The following TSPAN18 variants were observed in gnomAD, a reference collection of about 807,000 sequenced individuals.
The protein encoded by TSPAN18 is tetraspanin-18.
A neutral mutation model predicts 27.3 loss-of-function variants in TSPAN18; 14 were observed. The observed-to-expected ratio is 0.51, with a 90% CI of 0.34 to 0.80. The LOEUF is 0.80. TSPAN18 is among the 30% of genes least tolerant of loss of function. TSPAN18 has a pLI of 0.01. For missense variants in TSPAN18, 268 were observed against 323.9 expected (o/e 0.83, Z 1.32); for synonymous variants, 143 against 136.5 (o/e 1.05, Z -0.33).
At chr11:44,819,495 C>T (rs1017212257) in intron 2 of TSPAN18, among the ~76,000 whole-genome samples, 1 of 152,128 alleles carries the variant, frequency 6.6e-6, no homozygotes, top group East Asian at 1.9e-4. Flanking sequence ...AAAATATTTT[C>T]ACACATTTGC....
chr11:44,845,106 C>T (rs1377603519), intron 2 of TSPAN18, among the ~76,000 whole-genome samples: 1 of 152,190 alleles, frequency 6.6e-6, no homozygotes, highest in African/African-American at 2.4e-5. Context: ...AGGCAGGCAA[C>T]AGTTATTAGA....
At chr11:44,821,895 C>T (rs539544552) in intron 2 of TSPAN18, among the ~76,000 whole-genome samples, 7 of 152,142 alleles carry the variant, frequency 4.6e-5, no homozygotes, top group Non-Finnish European at 1.0e-4. Flanking sequence ...GCCATTTGTA[C>T]AAGAGCTGAG....
chr11:44,902,716 G>T (rs1452846394), intron 3 of TSPAN18, among the ~76,000 whole-genome samples: 2 of 152,168 alleles, frequency 1.3e-5, no homozygotes, highest in Non-Finnish European at 2.9e-5. Flanking sequence ...TCCCAGGCAG[G>T]CACCAAAGCA....
At chr11:44,812,601 G>T (rs941793343) in intron 2 of TSPAN18, among the ~76,000 whole-genome samples, 6 of 152,118 alleles carry the variant, frequency 3.9e-5, no homozygotes, top group Non-Finnish European at 7.4e-5. Context: ...TCCCTAGTCT[G>T]GTTCCTAGAG....
rs927021815 is a variant in TSPAN18 at position 44,810,328 on chromosome 11, T to G, written c.-153+45816T>G. 5.3e-5 allele frequency among the ~76,000 whole-genome samples: 8 copies of G among 152,280 alleles called. 1 individual carries two copies. The Middle Eastern group carries it at 0.01, about 194-fold the overall frequency. Reference sequence around the variant, plus strand: ...AGCCCTTCGCAACCACCAATTCCTCTTCCTTCTCTATGGATTTACCTCTTC... The same window carrying G: ...AGCCCTTCGCAACCACCAATTCCTCGTCCTTCTCTATGGATTTACCTCTTC... On this transcript the variant is annotated intron_variant, in intron 2 of 9. Coordinates refer to ENST00000520358, the MANE Select transcript of TSPAN18 (RefSeq NM_130783.5).
intron 2 of TSPAN18, among the ~76,000 whole-genome samples, chr11:44,852,290 T>A (rs1174669112): frequency 6.6e-6 from 1 of 152,204 alleles, no homozygotes; most frequent in Non-Finnish European, 1.5e-5. Flanking sequence ...AATGGCAATG[T>A]TACATGTGCA....
chr11:44,856,973 C>CT, intron 2 of TSPAN18, among the ~76,000 whole-genome samples: 1 of 152,146 alleles, frequency 6.6e-6, no homozygotes, highest in Non-Finnish European at 1.5e-5. Flanking sequence ...TGGTTTACTG[C>CT]TGCGTAAATG....
intron 3 of TSPAN18, among the ~76,000 whole-genome samples, chr11:44,866,395 G>A (rs556084406): frequency 1.3e-5 from 2 of 152,306 alleles, no homozygotes; most frequent in Admixed American, 6.5e-5. Flanking sequence ...TATGTGATCC[G>A]AAACATTTGG....
At chr11:44,926,357 G>A in intron 8 of TSPAN18, 3 of 291,826 alleles carry the variant, frequency 1.0e-5, no homozygotes, top group Non-Finnish European at 1.9e-5. Context: ...CAGAGCAGCA[G>A]GAAGTCCAAA....
intron 2 of TSPAN18, among the ~76,000 whole-genome samples, chr11:44,826,031 G>A (rs531033239): frequency 4.6e-5 from 7 of 152,282 alleles, no homozygotes; most frequent in African/African-American, 1.7e-4. Flanking sequence ...ACCTTACAAG[G>A]CTGGAGGAAA....
At chr11:44,861,395 G>A (rs1474982835) in intron 3 of TSPAN18, among the ~76,000 whole-genome samples, 1 of 148,472 alleles carries the variant, frequency 6.7e-6, no homozygotes, top group African/African-American at 2.5e-5. Context: ...GCGGGGGTTG[G>A]TGGGGTGCGG....
rs12807149 is a variant in TSPAN18, at chr11:44,873,213, T to C, written c.-11+12744T>C. Among the ~76,000 whole-genome samples the C allele has an allele frequency of 7.0e-3, 1,062 of 152,346 alleles. 10 individuals carry two copies. Among genetic ancestry groups the C allele is most frequent in the Non-Finnish European group, 0.011 (773 of 68,020 alleles). On this transcript the variant is annotated intron_variant, in intron 3 of 9. Transcript: ENST00000520358. ...GGGGCCCTGCATAGCCTAGAGACCC[T>C]GGGGTGGCCCAGCACTTCGTGGCAA...
intron 2 of TSPAN18, among the ~76,000 whole-genome samples, chr11:44,783,692 C>T (rs1049960605): frequency 9.2e-5 from 14 of 152,292 alleles, no homozygotes; most frequent in African/African-American, 2.6e-4. Flanking sequence ...CCACCGCGCC[C>T]GGCCTCCCAA....
chr11:44,804,988 A>T (rs1856561426), intron 2 of TSPAN18, among the ~76,000 whole-genome samples: 1 of 152,188 alleles, frequency 6.6e-6, no homozygotes, highest in Non-Finnish European at 1.5e-5. Flanking sequence ...TTTGTGGAGA[A>T]ATAATAGATC....
At chr11:44,746,006 G>A (rs943108752) in intron 1 of TSPAN18, among the ~76,000 whole-genome samples, 6 of 152,168 alleles carry the variant, frequency 3.9e-5, no homozygotes, top group Admixed American at 2.0e-4. Context: ...CAGCCTGGGC[G>A]ACAGAGCGAG....
At chr11:44,819,405 G>C (rs1472865185) in intron 2 of TSPAN18, among the ~76,000 whole-genome samples, 1 of 152,222 alleles carries the variant, frequency 6.6e-6, no homozygotes. Flanking sequence ...AACTTGCTCT[G>C]TGTGTATGTT....
At position 44,926,654 on chromosome 11, in the gene TSPAN18, C is replaced by T. The variant is rs368406000; in HGVS notation, c.616-20C>T. The T allele has an allele frequency of 2.5e-6, 4 of 1,612,768 alleles. No individual in the cohort carries two copies. Among genetic ancestry groups the T allele is most frequent in the Admixed American group, 3.3e-5 (2 of 60,016 alleles). Reference sequence around the variant, plus strand: ...CTCTCAACCCTGGCCATAGCTTGACCTCTCATCCCTCCCTCCCAGGGCTGT... The same window carrying T: ...CTCTCAACCCTGGCCATAGCTTGACTTCTCATCCCTCCCTCCCAGGGCTGT... On this transcript the variant is annotated intron_variant, in intron 8 of 9. Transcript: ENST00000520358.
At chr11:44,834,149 T>C (rs1464135834) in intron 2 of TSPAN18, among the ~76,000 whole-genome samples, 1 of 152,044 alleles carries the variant, frequency 6.6e-6, no homozygotes, top group Non-Finnish European at 1.5e-5. Context: ...GGATTCTTTT[T>C]TTTTCCTTTC....
chr11:44,790,395 TCTTG>T (rs1397833435), intron 2 of TSPAN18, among the ~76,000 whole-genome samples: 6 of 145,466 alleles, frequency 4.1e-5, no homozygotes, highest in East Asian at 2.0e-4. Context: ...GTGCATGTGC[TCTTG>T]CTTGTACGTG....
Sources: gnomAD v4.1 joint callset for allele counts (sites outside exome capture counted in the v4.1 genomes callset) on GRCh38, gnomAD v4.1.1 for gene constraint, MANE v1.5 for transcripts, NCBI Gene and HGNC (gene_info 2026-07-23, HGNC 2026-07-21) for gene names.